SAMMSON: variants seen among roughly 807,000 people sequenced by gnomAD.
SAMMSON encodes survival associated mitochondrial melanoma specific oncogenic non-coding RNA.
rs111407497 is a variant in SAMMSON, at chr3:70,105,163, A to G, written n.507+33598A>G. Among the ~76,000 whole-genome samples, 80 of 152,322 alleles carry G rather than the reference A, an allele frequency of 5.3e-4. 1 individual carries two copies. The highest frequency in any genetic ancestry group is 1.9e-3 in the African/African-American group (79 of 41,586). ...CCCCAATTTTAAAAGATAGGCTGAA[A>G]TTATAGGAAAGTAATCTTTCCATTG... On this transcript the variant is annotated intron_variant and non_coding_transcript_variant, in intron 4 of 9. Coordinates refer to ENST00000642114, the Ensembl canonical transcript of SAMMSON.
chr3:70,310,140 G>C (rs1262333089), intron 7 of SAMMSON, among the ~76,000 whole-genome samples: 2 of 151,870 alleles, frequency 1.3e-5, no homozygotes, highest in African/African-American at 2.4e-5. Context: ...GTTTTTAAAG[G>C]ATTCTATTTA....
intron 4 of SAMMSON, among the ~76,000 whole-genome samples, chr3:70,118,202 G>C (rs377062630): frequency 6.6e-6 from 1 of 152,172 alleles, no homozygotes; most frequent in African/African-American, 2.4e-5. Context: ...GATTACAGGC[G>C]TGAGCCACTG....
intron 7 of SAMMSON, among the ~76,000 whole-genome samples, chr3:70,312,248 T>A (rs954258766): frequency 6.6e-6 from 1 of 152,214 alleles, no homozygotes; most frequent in Non-Finnish European, 1.5e-5. Flanking sequence ...AATAACAGAT[T>A]AACAACTAGC....
At chr3:70,164,281 C>T (rs781146213) in intron 4 of SAMMSON, among the ~76,000 whole-genome samples, 7 of 151,982 alleles carry the variant, frequency 4.6e-5, no homozygotes, top group Non-Finnish European at 1.0e-4. Flanking sequence ...GTTTCCTCAT[C>T]TACTCATGGT....
At chr3:70,329,851 G>T (rs1702608292) in intron 7 of SAMMSON, among the ~76,000 whole-genome samples, 2 of 151,874 alleles carry the variant, frequency 1.3e-5, no homozygotes, top group Admixed American at 6.6e-5. Flanking sequence ...TGAATAAGCA[G>T]AAATATTTTG....
chr3:70,144,205 A>T (rs2067539119), intron 4 of SAMMSON, among the ~76,000 whole-genome samples: 1 of 152,106 alleles, frequency 6.6e-6, no homozygotes, highest in African/African-American at 2.4e-5. Context: ...TGCATTATTT[A>T]TTAATAAGGC....
chr3:70,310,907 C>G (rs1424785394), intron 7 of SAMMSON, among the ~76,000 whole-genome samples: 1 of 152,088 alleles, frequency 6.6e-6, no homozygotes, highest in Non-Finnish European at 1.5e-5. Context: ...TGGCACTTTC[C>G]AATTTTGTAA....
chr3:70,394,653 G>A (rs569770617), downstream of SAMMSON, among the ~76,000 whole-genome samples: 1 of 152,224 alleles, frequency 6.6e-6, no homozygotes, highest in East Asian at 1.9e-4. Flanking sequence ...TGAACTGTAC[G>A]TTTAACAATG....
At chr3:70,226,913 A>C (rs1701512973) in intron 4 of SAMMSON, among the ~76,000 whole-genome samples, 1 of 152,126 alleles carries the variant, frequency 6.6e-6, no homozygotes, top group Admixed American at 6.6e-5. Context: ...AATTCTGATG[A>C]AGCTTTTGAT....
rs553566359 is a variant in SAMMSON, at chr3:70,225,325, G to C, written n.508-23782G>C. Among the ~76,000 whole-genome samples, 8 of 152,234 alleles carry C rather than the reference G, an allele frequency of 5.3e-5. No individual in the cohort carries two copies. The South Asian group carries it at 1.7e-3, about 32-fold the overall frequency. Reference sequence around the variant, plus strand: ...TAATTATATGTCTTCCTCCCACTTGGAAAGTGGCACAAGGTGCTCATTTGC... The same window carrying C: ...TAATTATATGTCTTCCTCCCACTTGCAAAGTGGCACAAGGTGCTCATTTGC... On this transcript the variant is annotated intron_variant and non_coding_transcript_variant, in intron 4 of 9. Coordinates refer to ENST00000642114, the Ensembl canonical transcript of SAMMSON.
At chr3:70,319,988 T>C (rs1702525015) in intron 7 of SAMMSON, among the ~76,000 whole-genome samples, 1 of 151,970 alleles carries the variant, frequency 6.6e-6, no homozygotes, top group Non-Finnish European at 1.5e-5. Flanking sequence ...TTATAGAAAA[T>C]TTCTGCATCC....
At chr3:70,292,752 C>A (rs1026134457) in intron 7 of SAMMSON, among the ~76,000 whole-genome samples, 1 of 151,970 alleles carries the variant, frequency 6.6e-6, no homozygotes, top group South Asian at 2.1e-4. Context: ...TGCACACACA[C>A]TGTTTGCAGA....
At position 70,321,511 on chromosome 3, in the gene SAMMSON, A is replaced by G. The variant is rs188032616; in HGVS notation, n.739+30268A>G. Among the ~76,000 whole-genome samples, 35 of 152,192 alleles carry G rather than the reference A, an allele frequency of 2.3e-4. No homozygotes were observed. In the East Asian group the frequency reaches 6.8e-3, roughly 29 times the overall value. ...GTTAATGGATATTTGGGTGGTTTCC[A>G]ATTGCGACCATTACAAATGAAGCTT... On this transcript the variant is annotated intron_variant and non_coding_transcript_variant, in intron 7 of 9. Transcript: ENST00000642114.
At chr3:70,356,867 CT>C (rs1464721852) in intron 8 of SAMMSON, among the ~76,000 whole-genome samples, 2 of 151,978 alleles carry the variant, frequency 1.3e-5, no homozygotes, top group Non-Finnish European at 2.9e-5. Flanking sequence ...ACAGATGGCA[CT>C]TTTTTTGAGC....
intron 6 of SAMMSON, among the ~76,000 whole-genome samples, chr3:70,290,737 G>C (rs1414801840): frequency 6.6e-6 from 1 of 152,178 alleles, no homozygotes; most frequent in Non-Finnish European, 1.5e-5. Context: ...GACCCTCCGA[G>C]CCAGGTGCAG....
At chr3:70,350,316 T>C (rs1230255076) in intron 7 of SAMMSON, among the ~76,000 whole-genome samples, 1 of 152,186 alleles carries the variant, frequency 6.6e-6, no homozygotes. Flanking sequence ...GTAGGTACAT[T>C]GAAATTCCAA....
chr3:70,114,222 T>C (rs79604890), intron 4 of SAMMSON, among the ~76,000 whole-genome samples: 4,633 of 152,246 alleles, frequency 0.03, 178 homozygotes, highest in East Asian at 0.2. Context: ...AGTTTCCTTA[T>C]GTGTGTTTAT....
At chr3:70,378,324 ATGTGTAAT>A (rs1166445625) in intron 9 of SAMMSON, among the ~76,000 whole-genome samples, 1 of 151,994 alleles carries the variant, frequency 6.6e-6, no homozygotes, top group Non-Finnish European at 1.5e-5. Context: ...AATGTCTATG[ATGTGTAAT>A]GTTGAGTGGG....
chr3:70,037,469 G>A (rs2067090549), intron 3 of SAMMSON, among the ~76,000 whole-genome samples: 2 of 152,240 alleles, frequency 1.3e-5, no homozygotes, highest in East Asian at 1.9e-4. Context: ...CTTATCTACA[G>A]TAGAAGAGGA....
Sources: allele counts gnomAD v4.1 joint callset (sites outside exome capture counted in the v4.1 genomes callset), GRCh38; gene constraint gnomAD v4.1.1; transcripts MANE v1.5; gene names NCBI Gene and HGNC (gene_info 2026-07-23, HGNC 2026-07-21).